SH2D6: variants seen among roughly 807,000 people sequenced by gnomAD.
SH2D6 encodes the protein SH2 domain containing 6.
In SH2D6, 31 loss-of-function variants were observed where a neutral mutation model predicts 30.2. The ratio of observed to expected loss-of-function variants is 1.03; its 90% confidence interval spans 0.77 to 1.38. The LOEUF is 1.38. Among genes scored for constraint, SH2D6 ranks in the 40% most tolerant of loss-of-function variants. The probability of loss-of-function intolerance (pLI) is 0.00; values close to 1 mark genes in which losing one functional copy is unlikely to be tolerated. For missense variants in SH2D6, 240 were observed against 266.8 expected, an observed-to-expected ratio of 0.90 and a Z score of 0.70; for synonymous variants, 93 against 104.6, an observed-to-expected ratio of 0.89 and a Z score of 0.68.
rs1171495749 is a variant in SH2D6 at position 85,432,783 on chromosome 2, G to A, written c.371-316G>A. Among the ~76,000 whole-genome samples, 4 of 152,246 alleles carry A rather than the reference G, an allele frequency of 2.6e-5. No homozygotes were observed. In the South Asian group the frequency reaches 8.3e-4, roughly 32 times the overall value. On this transcript the variant is annotated intron_variant, in intron 14 of 23. Transcript: ENST00000469800. ...ACTCCTCACCTCAAGTGATCTGCCCGCCTCAGCCTCCCAAAGTGCTGGGAA... is the reference window on the plus strand; with the variant it reads ...ACTCCTCACCTCAAGTGATCTGCCCACCTCAGCCTCCCAAAGTGCTGGGAA...
chr2:85,426,224 C>G (rs1175076633), intron 6 of SH2D6, among the ~76,000 whole-genome samples: 2 of 152,204 alleles, frequency 1.3e-5, no homozygotes, highest in Non-Finnish European at 2.9e-5. Context: ...CACCACGGGT[C>G]CCGGCTACAC....
At chr2:85,434,522 A>G (rs1689161451) in intron 19 of SH2D6, 25 bp downstream of exon 19, 2 of 1,547,510 alleles carry the variant, frequency 1.3e-6, no homozygotes, top group African/African-American at 1.4e-5. Flanking sequence ...GTCCAAAGGT[A>G]GTGAGTTATC....
rs1689527400 is a variant in SH2D6, at chr2:85,436,940, C to G, written c.*116C>G. The G allele has an allele frequency of 4.3e-6, 1 of 233,676 alleles. No individual in the cohort carries two copies. Among genetic ancestry groups the G allele is most frequent in the African/African-American group, 2.3e-5 (1 of 44,132 alleles). The allele number at this position is 233,676 out of a possible 1,614,324, so 14.5% of individuals were successfully genotyped here. The stretch of plus-strand genomic sequence containing the variant: ...GGCACTGCTGGAACAGCAAAGGATC[C>G]TCTCACATCTACTTGTGGGCCTAGG... On this transcript the variant is annotated 3_prime_UTR_variant, in exon 24 of 24. Coordinates refer to ENST00000469800, the MANE Select transcript of SH2D6 (RefSeq NM_001394463.1).
At chr2:85,435,879 G>A in intron 22 of SH2D6, 55 bp downstream of exon 22, 1 of 1,480,546 alleles carries the variant, frequency 6.8e-7, no homozygotes, top group Non-Finnish European at 8.9e-7. Context: ...AGTACCCCAG[G>A]CCTAGCCAAG....
intron 5 of SH2D6, among the ~76,000 whole-genome samples, chr2:85,424,512 G>A (rs146585019): frequency 1.3e-5 from 2 of 152,288 alleles, no homozygotes; most frequent in East Asian, 3.9e-4. Context: ...CACTTTGGGA[G>A]GCTAAGGCAG....
rs189571392 is a variant in SH2D6 at position 85,430,904 on chromosome 2, G to A, written c.250+252G>A. Among the ~76,000 whole-genome samples, 2 of 152,248 alleles carry A rather than the reference G, an allele frequency of 1.3e-5. No homozygotes were observed. On this transcript the variant is annotated intron_variant, in intron 12 of 23. Coordinates refer to ENST00000469800, the MANE Select transcript of SH2D6 (RefSeq NM_001394463.1). The surrounding 1 kb of genome is among the most constrained non-coding windows in gnomAD (Gnocchi z 4.3). ...GGAAGAGGAGGGGTGGTGTAACCAA[G>A]GCAACAGCAGGGGCCTGGCATTCCC...
At chr2:85,423,853 C>G (rs952165641) in intron 5 of SH2D6, among the ~76,000 whole-genome samples, 2 of 152,244 alleles carry the variant, frequency 1.3e-5, no homozygotes, top group East Asian at 1.9e-4. Flanking sequence ...TGCTGTCCCC[C>G]GGGATTGCCC....
intron 22 of SH2D6, 52 bp from the exon 23 acceptor site, chr2:85,436,414 G>C: frequency 2.9e-6 from 4 of 1,380,778 alleles, no homozygotes. Flanking sequence ...TCAGGAAATT[G>C]CTCCCAGCAT....
intron 3 of SH2D6, 51 bp downstream of exon 3, chr2:85,422,365 C>T (rs1353577238): frequency 6.6e-6 from 1 of 152,140 alleles, no homozygotes; most frequent in African/African-American, 2.4e-5. Flanking sequence ...AGAATGCTCT[C>T]TCTCTTTGTC....
At chr2:85,432,795 C>G (rs992005263) in intron 14 of SH2D6, among the ~76,000 whole-genome samples, 3 of 152,246 alleles carry the variant, frequency 2.0e-5, no homozygotes, top group Admixed American at 1.3e-4. Context: ...CTCAGCCTCC[C>G]AAAGTGCTGG....
Position 85,435,516 on chromosome 2 carries a change from G to A in SH2D6, c.732+20G>A, listed in dbSNP as rs773985245. On this transcript the variant is annotated intron_variant, in intron 21 of 23. Transcript: ENST00000469800. ...CAAAAGGTGGGCAGCCACGGACCCC[G>A]GGTCTTCTCCAAAACCCCTTTTGCT... 2.8e-5 allele frequency: 45 copies of A among 1,610,902 alleles called. No homozygotes were observed. The highest frequency in any genetic ancestry group is 4.0e-5 in the African/African-American group (3 of 74,892).
intron 19 of SH2D6, 43 bp downstream of exon 19, chr2:85,434,540 AT>A (rs1156559340): frequency 8.4e-6 from 13 of 1,542,366 alleles, no homozygotes; most frequent in Non-Finnish European, 1.1e-5. Context: ...ATCCCAACTG[AT>A]TGTTCACAGT....
At chr2:85,427,815 G>A (rs1226791824) in intron 6 of SH2D6, among the ~76,000 whole-genome samples, 3 of 152,100 alleles carry the variant, frequency 2.0e-5, no homozygotes, top group African/African-American at 7.2e-5. Flanking sequence ...TCCCTGTGAA[G>A]CCACCCCAGT....
chr2:85,435,010 T>TCCCCCC, intron 19 of SH2D6, 55 bp from the exon 20 acceptor site: 1 of 1,530,088 alleles, frequency 6.5e-7, no homozygotes, highest in East Asian at 2.5e-5. Context: ...AAGCCACCTT[T>TCCCCCC]GCCCACCCCC....
rs575923267 is a variant in SH2D6 at position 85,430,413 on chromosome 2, C to A, written c.114C>A (p.Ala38=). 6.5e-6 allele frequency: 1 copy of A among 152,874 alleles called. No individual in the cohort carries two copies. The highest frequency in any genetic ancestry group is 2.4e-5 in the African/African-American group (1 of 41,512). The allele number at this position is 152,874 out of a possible 1,614,324, so 9.5% of individuals were successfully genotyped here. A position where few individuals can be genotyped will look rare whatever the true frequency, so the allele number is the denominator to read the frequency against. ...EDAPSPSFLP[A]PGTWRHKAQE... Reference sequence around the variant, plus strand: ...CTCCCAGCCCTTCCTTCCTGCCTGCCCCAGGGACTTGGAGACACAAGGTGA... The same window carrying A: ...CTCCCAGCCCTTCCTTCCTGCCTGCACCAGGGACTTGGAGACACAAGGTGA... Residue 38 remains alanine, a synonymous_variant, in exon 11 of 24, where the codon GCC becomes GCA. Coordinates refer to ENST00000469800, the MANE Select transcript of SH2D6 (RefSeq NM_001394463.1). This position sits in a 1 kb window ranked among gnomAD's most constrained non-coding sequence, Gnocchi z 4.3.
chr2:85,427,785 T>G (rs1405491835), intron 6 of SH2D6, among the ~76,000 whole-genome samples: 1 of 152,214 alleles, frequency 6.6e-6, no homozygotes, highest in Non-Finnish European at 1.5e-5. Flanking sequence ...TTTTGGTTTT[T>G]CCCTTTGTAC....
chr2:85,427,036 G>A (rs991893447), intron 6 of SH2D6, among the ~76,000 whole-genome samples: 1 of 152,266 alleles, frequency 6.6e-6, no homozygotes, highest in Admixed American at 6.5e-5. Flanking sequence ...GGTCACAGAA[G>A]TCTGCTCTGT....
chr2:85,425,526 C>T (rs528720566), intron 6 of SH2D6, 119 bp downstream of exon 6: 1 of 152,086 alleles, frequency 6.6e-6, no homozygotes, highest in Non-Finnish European at 1.5e-5. Flanking sequence ...CCGCAGCCTC[C>T]CAAAGTGTTG....
At chr2:85,432,556 A>T (rs1171609841) in intron 14 of SH2D6, among the ~76,000 whole-genome samples, 1 of 151,174 alleles carries the variant, frequency 6.6e-6, no homozygotes, top group Non-Finnish European at 1.5e-5. Context: ...GCCCGCTACC[A>T]CGCCCGGCTA....
Sources: allele counts gnomAD v4.1 joint callset (sites outside exome capture counted in the v4.1 genomes callset), GRCh38; gene constraint gnomAD v4.1.1; non-coding constraint Gnocchi (gnomAD v3.1); transcripts MANE v1.5; gene names NCBI Gene and HGNC (gene_info 2026-07-23, HGNC 2026-07-21).